HOMER1: variants seen among roughly 807,000 people sequenced by gnomAD.
HOMER1 encodes the protein homer scaffold protein 1.
A neutral mutation model predicts 48.9 loss-of-function variants in HOMER1; 3 were observed. The ratio of observed to expected loss-of-function variants is 0.06; its 90% CI spans 0.03 to 0.16. The LOEUF (loss-of-function observed/expected upper bound fraction) is 0.16, where lower values mean the gene tolerates loss of function less well. HOMER1 is among the 10% of genes least tolerant of loss of function. The pLI, the probability that HOMER1 is intolerant of heterozygous loss-of-function variation, is 1.00. For synonymous variants in HOMER1, 134 were observed against 146.4 expected, an observed-to-expected ratio of 0.92 and a Z score of 0.61; for missense variants, 247 against 411.4, an observed-to-expected ratio of 0.60 and a Z score of 3.46.
At chr5:79,475,205 G>T (rs1046123297) in intron 1 of HOMER1, among the ~76,000 whole-genome samples, 1 of 151,708 alleles carries the variant, frequency 6.6e-6, no homozygotes, top group Non-Finnish European at 1.5e-5. Flanking sequence ...TTTTGAAGAT[G>T]AGGAACCTGA....
intron 5 of HOMER1, among the ~76,000 whole-genome samples, chr5:79,420,274 T>A (rs565307457): frequency 6.6e-6 from 1 of 152,174 alleles, no homozygotes; most frequent in Non-Finnish European, 1.5e-5. Flanking sequence ...ATTTATTCCA[T>A]CCCAGTCTTT....
intron 5 of HOMER1, among the ~76,000 whole-genome samples, chr5:79,406,425 G>T (rs1423718343): frequency 6.6e-6 from 1 of 152,144 alleles, no homozygotes; most frequent in Admixed American, 6.5e-5. Context: ...CATTTCTAAG[G>T]CTCTTGGGAG....
At chr5:79,492,439 A>C (rs957262990) in intron 1 of HOMER1, among the ~76,000 whole-genome samples, 3 of 152,168 alleles carry the variant, frequency 2.0e-5, no homozygotes, top group Non-Finnish European at 4.4e-5. Context: ...GAATCAGAAC[A>C]ATGTTTAAGT....
intron 1 of HOMER1, among the ~76,000 whole-genome samples, chr5:79,509,502 G>T (rs988785919): frequency 6.6e-6 from 1 of 151,888 alleles, no homozygotes; most frequent in Non-Finnish European, 1.5e-5. Flanking sequence ...AGGTGGGGGT[G>T]GGGGTCATAC....
chr5:79,403,789 T>C (rs1749591129), intron 5 of HOMER1, among the ~76,000 whole-genome samples: 1 of 152,188 alleles, frequency 6.6e-6, no homozygotes, highest in South Asian at 2.1e-4. Context: ...CTCTGTACAG[T>C]TTTTGTGATT....
At chr5:79,378,113 G>A (rs1030758690) in intron 8 of HOMER1, among the ~76,000 whole-genome samples, 35 of 151,604 alleles carry the variant, frequency 2.3e-4, no homozygotes, top group African/African-American at 7.8e-4. Context: ...TCAGCTACTC[G>A]GGAGACTGAG....
rs920953474 is a variant in HOMER1, at chr5:79,457,924, T to G, written c.6-906A>C. Among the ~76,000 whole-genome samples, 9 of 152,170 alleles carry G rather than the reference T, an allele frequency of 5.9e-5. 1 individual carries two copies. The highest frequency in any genetic ancestry group is 1.3e-4 in the Non-Finnish European group (9 of 68,024). ...ATTTTTACCCACTTAAAACCACATT[T>G]AAAACCCATTTAAACACATTTTACC... is the stretch of plus-strand genomic sequence containing the variant. On this transcript the variant is annotated intron_variant, in intron 1 of 8. Transcript: ENST00000334082.
intron 1 of HOMER1, among the ~76,000 whole-genome samples, chr5:79,462,396 C>T (rs529028626): frequency 2.8e-4 from 43 of 152,254 alleles, no homozygotes; most frequent in African/African-American, 9.9e-4. Flanking sequence ...AACAATAATT[C>T]TCAAGTTCTT....
chr5:79,490,674 G>A lies in HOMER1; in HGVS notation c.5+22096C>T, dbSNP rs370891038. Among the ~76,000 whole-genome samples, 22 of 151,490 alleles carry A rather than the reference G, an allele frequency of 1.5e-4. 1 individual carries two copies. Among genetic ancestry groups the A allele is most frequent in the Admixed American group, 6.6e-4 (10 of 15,176 alleles). ...TTGTTGAGCATAGTGGCTCATGTCT[G>A]TAATCCCAGCACTTTGGAAAGCCAA... On this transcript the variant is annotated intron_variant, in intron 1 of 8. Transcript: ENST00000334082.
chr5:79,402,149 T>C (rs550066459), intron 5 of HOMER1, 94 bp from the exon 6 acceptor site: 1 of 1,013,330 alleles, frequency 9.9e-7, no homozygotes, highest in African/African-American at 1.7e-5. Flanking sequence ...GGGTTTATAG[T>C]CTAAGAATGT....
intron 1 of HOMER1, among the ~76,000 whole-genome samples, chr5:79,476,461 C>G (rs1000349971): frequency 2.0e-5 from 3 of 152,134 alleles, no homozygotes; most frequent in South Asian, 2.1e-4. Context: ...CTCAGTCCCC[C>G]AAAACTGCCC....
At chr5:79,441,864 C>G (rs934880482) in intron 4 of HOMER1, among the ~76,000 whole-genome samples, 3 of 151,962 alleles carry the variant, frequency 2.0e-5, no homozygotes, top group Non-Finnish European at 4.4e-5. Flanking sequence ...AAAAATAGTA[C>G]TTGAAACATG....
chr5:79,406,742 G>A (rs900759953), intron 5 of HOMER1, among the ~76,000 whole-genome samples: 1 of 152,196 alleles, frequency 6.6e-6, no homozygotes, highest in Non-Finnish European at 1.5e-5. Flanking sequence ...AACTCTGTGA[G>A]AGGAACAGAA....
intron 1 of HOMER1, among the ~76,000 whole-genome samples, chr5:79,459,461 A>G (rs953412641): frequency 6.6e-6 from 1 of 152,216 alleles, no homozygotes; most frequent in African/African-American, 2.4e-5. Context: ...TCTTCTGAAC[A>G]GCTGGTTTTT....
intron 5 of HOMER1, among the ~76,000 whole-genome samples, chr5:79,408,352 A>G (rs191972335): frequency 5.9e-5 from 9 of 152,310 alleles, no homozygotes; most frequent in Admixed American, 3.9e-4. Context: ...GGTAAACAAG[A>G]GCTCAGATAA....
At chr5:79,421,269 C>A (rs1011467909) in intron 5 of HOMER1, among the ~76,000 whole-genome samples, 1 of 152,202 alleles carries the variant, frequency 6.6e-6, no homozygotes, top group Non-Finnish European at 1.5e-5. Context: ...GGTTGAGATA[C>A]CCTTACATTC....
chr5:79,466,916 C>A (rs1445238849), intron 1 of HOMER1, among the ~76,000 whole-genome samples: 1 of 151,978 alleles, frequency 6.6e-6, no homozygotes, highest in African/African-American at 2.4e-5. Context: ...CTCAGCCTCC[C>A]AAGTAGCTAG....
intron 1 of HOMER1, among the ~76,000 whole-genome samples, chr5:79,481,404 T>C (rs1751940425): frequency 6.6e-6 from 1 of 152,190 alleles, no homozygotes; most frequent in Non-Finnish European, 1.5e-5. Flanking sequence ...TCTACACATA[T>C]TCTTGCTTAC....
Position 79,439,004 on chromosome 5 carries a change from C to A in HOMER1, c.527+6G>T, listed in dbSNP as rs1750668632. 1.2e-6 allele frequency: 2 copies of A among 1,611,670 alleles called. No individual in the cohort carries two copies. The highest frequency in any genetic ancestry group is 1.3e-5 in the African/African-American group (1 of 74,826). ...CTTAATCATAATTGCTGAATTGAATCTGTACCTATGTGAAAATGGCAATGC... is the reference window on the plus strand; with the variant it reads ...CTTAATCATAATTGCTGAATTGAATATGTACCTATGTGAAAATGGCAATGC... On this transcript the variant is annotated splice_donor_region_variant and intron_variant, in intron 5 of 8. Coordinates refer to ENST00000334082, the MANE Select transcript of HOMER1 (RefSeq NM_004272.5).
Sources: gnomAD v4.1 joint callset for allele counts (sites outside exome capture counted in the v4.1 genomes callset) on GRCh38, gnomAD v4.1.1 for gene constraint, MANE v1.5 for transcripts, NCBI Gene and HGNC (gene_info 2026-07-23, HGNC 2026-07-21) for gene names.